The following GNAO1 variants were observed in gnomAD, a reference collection of about 807,000 sequenced individuals.
GNAO1 encodes the protein G protein subunit alpha o1.
For missense variants in GNAO1, 166 were observed against 478.7 expected, an observed-to-expected ratio of 0.35 and a Z score of 6.10; for synonymous variants, 164 against 180.7, an observed-to-expected ratio of 0.91 and a Z score of 0.74.
intron 3 of GNAO1, among the ~76,000 whole-genome samples, chr16:56,304,409 C>T (rs573672861): frequency 5.3e-5 from 8 of 152,338 alleles, no homozygotes; most frequent in South Asian, 2.1e-4. Context: ...ATTAATGAAA[C>T]TTGTTTCTTT....
At chr16:56,316,690 C>T (rs572927066) in intron 3 of GNAO1, among the ~76,000 whole-genome samples, 139 of 152,296 alleles carry the variant, frequency 9.1e-4, no homozygotes, top group Admixed American at 1.6e-3. Flanking sequence ...GTGGCCTCCC[C>T]ACTCCCCAGC....
chr16:56,239,636 G>C (rs2036674770), intron 2 of GNAO1, among the ~76,000 whole-genome samples: 2 of 152,184 alleles, frequency 1.3e-5, no homozygotes, highest in Admixed American at 1.3e-4. Flanking sequence ...TTGCAGTGAT[G>C]AGTTGTAGAA....
At chr16:56,212,968 A>T (rs2036404398) in intron 2 of GNAO1, among the ~76,000 whole-genome samples, 1 of 152,238 alleles carries the variant, frequency 6.6e-6, no homozygotes, top group African/African-American at 2.4e-5. Context: ...AATGACATGG[A>T]TACACACAGG....
chr16:56,274,443 C>G (rs16956252), intron 2 of GNAO1, among the ~76,000 whole-genome samples: 29,392 of 152,086 alleles, frequency 0.19, 3,072 homozygotes, highest in East Asian at 0.38. Context: ...TCATTCTGAT[C>G]TGCTTTTTAG....
chr16:56,334,735 G>C lies in GNAO1; in HGVS notation c.471G>C (p.Leu157=). 1 of 1,613,982 alleles carries C rather than the reference G, an allele frequency of 6.2e-7. No homozygotes were observed. Among genetic ancestry groups the C allele is most frequent in the Non-Finnish European group, 8.5e-7 (1 of 1,180,012 alleles). ...TGTTTGTTGCCATCCTCAGCTACCT[G>C]GACAGCCTGGATCGGATTGGGGCCG... ...YQLNDSAKYY[L]DSLDRIGAAD... Residue 157 remains leucine (L), a synonymous_variant, in exon 5 of 9, where the codon CTG becomes CTC. Transcript: ENST00000262493.
chr16:56,278,618 T>C (rs1187007713), intron 3 of GNAO1, among the ~76,000 whole-genome samples: 1 of 152,114 alleles, frequency 6.6e-6, no homozygotes, highest in Non-Finnish European at 1.5e-5. Context: ...TCATGGAGCT[T>C]CCTATCTAGC....
At chr16:56,331,706 C>T (rs915357146) in intron 4 of GNAO1, among the ~76,000 whole-genome samples, 2 of 152,212 alleles carry the variant, frequency 1.3e-5, no homozygotes, top group African/African-American at 4.8e-5. Flanking sequence ...CCCAGAAGCA[C>T]CTCCTCTCAA....
chr16:56,322,902 C>A (rs528300655), intron 3 of GNAO1, among the ~76,000 whole-genome samples: 1 of 152,298 alleles, frequency 6.6e-6, no homozygotes, highest in South Asian at 2.1e-4. Context: ...ATCCTGCAGA[C>A]GTGGCTGAGC....
chr16:56,194,110 A>G (rs745811299), intron 2 of GNAO1: 1 of 456,382 alleles, frequency 2.2e-6, no homozygotes, highest in South Asian at 1.5e-5. Context: ...GGGAGTAGCG[A>G]CTCGGAGACA....
intron 5 of GNAO1, 182 bp from the exon 6 acceptor site, chr16:56,336,549 G>T (rs752857891): frequency 1.0e-5 from 6 of 574,494 alleles, no homozygotes; most frequent in Non-Finnish European, 1.9e-5. Context: ...TAGTGCCTGG[G>T]GATGGCAGTG....
chr16:56,345,859 A>G (rs3790109), intron 6 of GNAO1: 46,698 of 985,436 alleles, frequency 0.047, 1,088 homozygotes, highest in East Asian at 0.064. Flanking sequence ...GCAGCCGGCA[A>G]AAGGGGGATG....
At chr16:56,246,597 G>A (rs1201481342) in intron 2 of GNAO1, among the ~76,000 whole-genome samples, 1 of 152,196 alleles carries the variant, frequency 6.6e-6, no homozygotes, top group Non-Finnish European at 1.5e-5. Flanking sequence ...CGAACCAGAG[G>A]TCTTTGTCCT....
rs28496926 is a variant in GNAO1, at chr16:56,328,600, G to T, written c.304-31G>T. ...AGAGGTCTTCTGTCCCCACCAAAGC[G>T]TCAAAGCCCACCATCCACCTCTCCT... On this transcript the variant is annotated intron_variant, in intron 3 of 8. Transcript: ENST00000262493. 21 of 1,607,928 alleles carry T rather than the reference G, an allele frequency of 1.3e-5. No individual in the cohort carries two copies. The South Asian group carries it at 2.3e-4, about 18-fold the overall frequency.
intron 6 of GNAO1, chr16:56,345,786 C>T (rs2037860955): frequency 1.0e-6 from 1 of 985,464 alleles, no homozygotes; most frequent in African/African-American, 1.7e-5. Context: ...CTCAGCAGCA[C>T]CACGCTGGGT....
At chr16:56,234,636 G>A (rs1296135121) in intron 2 of GNAO1, among the ~76,000 whole-genome samples, 1 of 152,192 alleles carries the variant, frequency 6.6e-6, no homozygotes, top group African/African-American at 2.4e-5. Context: ...GTCCCTGGGT[G>A]GTTTGCTTCT....
chr16:56,246,525 A>G (rs1486382867), intron 2 of GNAO1, among the ~76,000 whole-genome samples: 2 of 152,170 alleles, frequency 1.3e-5, no homozygotes, highest in Non-Finnish European at 2.9e-5. Context: ...TCTCCTGGCT[A>G]AAGGCAGCTC....
At chr16:56,318,337 C>G (rs899557705) in intron 3 of GNAO1, among the ~76,000 whole-genome samples, 1 of 152,264 alleles carries the variant, frequency 6.6e-6, no homozygotes, top group South Asian at 2.1e-4. Flanking sequence ...GCTGGGCCCC[C>G]CCAGCGGCTG....
intron 3 of GNAO1, among the ~76,000 whole-genome samples, chr16:56,318,444 C>G (rs1312184957): frequency 6.6e-6 from 1 of 152,212 alleles, no homozygotes; most frequent in Non-Finnish European, 1.5e-5. Flanking sequence ...GTCTCTGGCT[C>G]GGCGGGTCCA....
At chr16:56,310,117 G>A (rs2037439700) in intron 3 of GNAO1, among the ~76,000 whole-genome samples, 1 of 151,578 alleles carries the variant, frequency 6.6e-6, no homozygotes, top group African/African-American at 2.4e-5. Context: ...GACCAGCGTG[G>A]GCAACATAGT....
Sources: gnomAD v4.1 joint callset for allele counts (sites outside exome capture counted in the v4.1 genomes callset) on GRCh38, gnomAD v4.1.1 for gene constraint, MANE v1.5 for transcripts, NCBI Gene and HGNC (gene_info 2026-07-23, HGNC 2026-07-21) for gene names.